Variants in USP33 observed in about 807,000 individuals in gnomAD.
USP33 encodes ubiquitin carboxyl-terminal hydrolase 33.
Under a neutral mutation model 124.2 loss-of-function variants are expected in USP33, and 46 were observed. The ratio of observed to expected loss-of-function variants is 0.37; its 90% CI spans 0.29 to 0.47. USP33 has a LOEUF of 0.47. Among genes scored for constraint, USP33 ranks in the 20% least tolerant of loss-of-function variants. The pLI is 0.99. For synonymous variants in USP33, 350 were observed against 352.3 expected, an observed-to-expected ratio of 0.99 and a Z score of 0.07; for missense variants, 851 against 1,070.6, an observed-to-expected ratio of 0.79 and a Z score of 2.86.
chr1:77,723,558 G>A, intron 11 of USP33, 115 bp from the exon 12 acceptor site: 6 of 657,138 alleles, frequency 9.1e-6, no homozygotes, highest in Middle Eastern at 4.2e-4. Context: ...TCCTTAAACT[G>A]TAAAAATTAC....
chr1:77,703,485 A>G (rs1406983033), intron 21 of USP33, among the ~76,000 whole-genome samples: 1 of 152,134 alleles, frequency 6.6e-6, no homozygotes, highest in Non-Finnish European at 1.5e-5. Flanking sequence ...TTAGCTAGGC[A>G]TGGTGGTGGG....
intron 1 of USP33, among the ~76,000 whole-genome samples, chr1:77,759,111 T>TA (rs1471372828): frequency 1.3e-5 from 2 of 152,098 alleles, no homozygotes; most frequent in Non-Finnish European, 2.9e-5. Flanking sequence ...AGGTAAGGGG[T>TA]AACCTCTCAG....
intron 9 of USP33, among the ~76,000 whole-genome samples, chr1:77,729,035 G>C (rs536032862): frequency 1.3e-5 from 2 of 152,180 alleles, no homozygotes; most frequent in East Asian, 3.9e-4. Flanking sequence ...AAGTAGCTGG[G>C]ACCAGATGCA....
rs768899923 is a variant in USP33 at position 77,721,937 on chromosome 1, T to C, written c.1563-12A>G. 12 of 1,602,438 alleles carry C rather than the reference T, an allele frequency of 7.5e-6. No homozygotes were observed. The highest frequency in any genetic ancestry group is 1.4e-5 in the African/African-American group (1 of 73,850). ...ATGAGACAACAAACCTGAAACATCA[T>C]TGATAGAAAAAAAAGGAAGTGTTCT... is the stretch of plus-strand genomic sequence containing the variant. On this transcript the variant is annotated splice_polypyrimidine_tract_variant and intron_variant, in intron 13 of 23. Coordinates refer to ENST00000370794, the MANE Select transcript of USP33 (RefSeq NM_201624.3).
Position 77,713,251 on chromosome 1 carries a change from T to G in USP33, c.2246A>C (p.Glu749Ala). The change falls in exon 20 of 24, where the codon GAA becomes GCA. Residue 749 changes from glutamate (E) to alanine (A), a missense_variant. Physicochemically the swap from Glu to Ala is moderately radical, Grantham distance 107. Around this residue, in one of 4 missense-constraint regions of USP33, gnomAD observed 281 missense variants for 425.0 expected, o/e 0.66. Coordinates refer to ENST00000370794, the MANE Select transcript of USP33 (RefSeq NM_201624.3). Reference sequence around the variant, plus strand: ...CTGAGGCAGCATCAAAACCAGGTCTTCAATATAACCAGCTTTTCTTGGAGG... The same window carrying G: ...CTGAGGCAGCATCAAAACCAGGTCTGCAATATAACCAGCTTTTCTTGGAGG... ...GVPPRKAGYI[E>A]DLVLMLPQNI... The G allele has an allele frequency of 6.3e-7, 1 of 1,575,696 alleles. No individual in the cohort carries two copies. The highest frequency in any genetic ancestry group is 1.2e-5 in the South Asian group (1 of 84,914).
At position 77,696,207 on chromosome 1, in the gene USP33, C is replaced by G. The variant is rs1250340089; in HGVS notation, c.*1110G>C. On this transcript the variant is annotated 3_prime_UTR_variant, in exon 24 of 24. Coordinates refer to ENST00000370794, the MANE Select transcript of USP33 (RefSeq NM_201624.3). ...TTATTCAAAAAGACTTTATCTATTT[C>G]ATTTAAAAAATCAAGTTGCAAGTGG... 2 of 152,438 alleles carry G rather than the reference C, an allele frequency of 1.3e-5. No homozygotes were observed. Among genetic ancestry groups the G allele is most frequent in the African/African-American group, 4.8e-5 (2 of 41,450 alleles). 9.4% of individuals were successfully genotyped at this position (152,438 alleles called of 1,614,324 possible).
chr1:77,726,445 G>A (rs1408541650), intron 10 of USP33, among the ~76,000 whole-genome samples: 1 of 151,644 alleles, frequency 6.6e-6, no homozygotes, highest in Non-Finnish European at 1.5e-5. Flanking sequence ...AGGAGTTCAA[G>A]ACCAACTGCG....
At chr1:77,733,580 A>C (rs752998823) in intron 7 of USP33, among the ~76,000 whole-genome samples, 30 of 152,188 alleles carry the variant, frequency 2.0e-4, no homozygotes, top group Admixed American at 6.5e-5. Flanking sequence ...TAATATCCCT[A>C]ATACAAAATA....
At chr1:77,737,924 T>C (rs1474563693) in intron 5 of USP33, among the ~76,000 whole-genome samples, 2 of 152,228 alleles carry the variant, frequency 1.3e-5, no homozygotes, top group African/African-American at 2.4e-5. Context: ...TTTCTACTTA[T>C]TACCATTCAG....
At chr1:77,717,137 T>G (rs1161387445) in intron 17 of USP33, among the ~76,000 whole-genome samples, 1 of 151,654 alleles carries the variant, frequency 6.6e-6, no homozygotes, top group African/African-American at 2.4e-5. Flanking sequence ...AGTGCTGGGA[T>G]TACAGGTATG....
At chr1:77,724,446 C>G (rs958612235) in intron 11 of USP33, among the ~76,000 whole-genome samples, 1 of 151,992 alleles carries the variant, frequency 6.6e-6, no homozygotes, top group Non-Finnish European at 1.5e-5. Flanking sequence ...AACTCTTTGT[C>G]TAACCCAAGG....
rs147969281 is a variant in USP33 at position 77,728,448 on chromosome 1, T to C, written c.982A>G (p.Met328Val). 2.9e-5 allele frequency: 46 copies of C among 1,613,972 alleles called. No homozygotes were observed. In the South Asian group the frequency reaches 4.9e-4, roughly 17 times the overall value. ...TTCTCTTTTTGCCAATCCTTTGACA[T>C]TTCTGAATTGTTTTCATCATCCTGA... The part of the protein sequence containing the change: ...LIQDDENNSE[M>V]SKDWQKEKMC... The change falls in exon 10 of 24, where the codon ATG (methionine) becomes GTG (valine). Residue 328 changes from methionine (M) to valine (V), a missense_variant. Met to Val is a conservative substitution (Grantham distance 21, BLOSUM62 1). Coordinates refer to ENST00000370794, the MANE Select transcript of USP33 (RefSeq NM_201624.3).
At chr1:77,703,269 C>T (rs925102073) in intron 21 of USP33, among the ~76,000 whole-genome samples, 2 of 152,202 alleles carry the variant, frequency 1.3e-5, no homozygotes. Flanking sequence ...ATCTCCCTTA[C>T]CTCCTTTAAG....
At chr1:77,713,755 T>C (rs1001476685) in intron 19 of USP33, among the ~76,000 whole-genome samples, 4 of 152,052 alleles carry the variant, frequency 2.6e-5, no homozygotes, top group African/African-American at 7.2e-5. Flanking sequence ...AGCATGACCA[T>C]GGCTCACTGC....
intron 22 of USP33, among the ~76,000 whole-genome samples, chr1:77,698,504 T>TG (rs1291356249): frequency 4.4e-4 from 65 of 149,150 alleles, no homozygotes; most frequent in African/African-American, 1.6e-3. Context: ...TGTTTTGTTT[T>TG]TTTTTTTTTT....
At chr1:77,698,313 T>C (rs1374329476) in intron 22 of USP33, among the ~76,000 whole-genome samples, 1 of 150,864 alleles carries the variant, frequency 6.6e-6, no homozygotes, top group African/African-American at 2.4e-5. Context: ...GACCTCACGA[T>C]CTACCCACCT....
intron 8 of USP33, 76 bp downstream of exon 8, chr1:77,730,542 G>C: frequency 1.8e-6 from 2 of 1,107,660 alleles, no homozygotes; most frequent in Non-Finnish European, 2.4e-6. Context: ...CTCCATAAAT[G>C]GACCTGCAAC....
intron 7 of USP33, among the ~76,000 whole-genome samples, chr1:77,733,015 G>C (rs1246312637): frequency 6.6e-6 from 1 of 151,356 alleles, no homozygotes; most frequent in Non-Finnish European, 1.5e-5. Context: ...GGCTGGTCTC[G>C]AACTCCTGAC....
At chr1:77,711,339 C>A (rs1308650206) in intron 21 of USP33, among the ~76,000 whole-genome samples, 1 of 152,104 alleles carries the variant, frequency 6.6e-6, no homozygotes, top group Non-Finnish European at 1.5e-5. Flanking sequence ...CCAGCATGGC[C>A]AACATGGCAA....
Sources: gnomAD v4.1 joint callset for allele counts (sites outside exome capture counted in the v4.1 genomes callset) on GRCh38, gnomAD v4.1.1 for gene constraint, gnomAD v4.1.1 regional missense constraint, MANE v1.5 for transcripts, NCBI Gene and HGNC (gene_info 2026-07-23, HGNC 2026-07-21) for gene names.